The following SLC8A1 variants were observed in gnomAD, a reference collection of about 807,000 sequenced individuals.
SLC8A1 encodes the protein sodium/calcium exchanger 1.
Under a neutral mutation model 68.3 loss-of-function variants are expected in SLC8A1, and 18 were observed. The ratio of observed to expected loss-of-function variants is 0.26; its 90% CI spans 0.18 to 0.39. SLC8A1 has a LOEUF of 0.39. Ranked by LOEUF, SLC8A1 falls within the 10% of genes least tolerant of loss-of-function variation. SLC8A1 has a pLI of 1.00. For synonymous variants in SLC8A1, 475 were observed against 415.5 expected (o/e 1.14, Z -1.74); for missense variants, 985 against 1,156.7 (o/e 0.85, Z 2.15).
chr2:40,248,494 G>T (rs2062218028), intron 2 of SLC8A1, among the ~76,000 whole-genome samples: 1 of 152,162 alleles, frequency 6.6e-6, no homozygotes, highest in Admixed American at 6.5e-5. Context: ...TACTTCACCA[G>T]ACACTGACTC....
chr2:40,122,803 C>G (rs1009277057), intron 7 of SLC8A1, among the ~76,000 whole-genome samples: 1 of 152,084 alleles, frequency 6.6e-6, no homozygotes, highest in African/African-American at 2.4e-5. Flanking sequence ...TTAGAGTAAC[C>G]ATTTTTGTTA....
intron 1 of SLC8A1, among the ~76,000 whole-genome samples, chr2:40,503,596 A>C (rs1453916833): frequency 1.3e-5 from 2 of 152,062 alleles, no homozygotes; most frequent in African/African-American, 2.4e-5. Context: ...CTGATAAACA[A>C]ATTTAGTAAA....
At chr2:40,176,937 C>T (rs441593) in intron 3 of SLC8A1, among the ~76,000 whole-genome samples, 15,798 of 152,094 alleles carry the variant, frequency 0.1, 963 homozygotes, top group Admixed American at 0.19. Flanking sequence ...AATAAAAAAT[C>T]CTCTGTAAAG....
chr2:40,304,541 T>C (rs1226040240), intron 2 of SLC8A1, among the ~76,000 whole-genome samples: 2 of 152,142 alleles, frequency 1.3e-5, no homozygotes, highest in African/African-American at 4.8e-5. Context: ...CCCCGCAGTC[T>C]CAGAGCTTTG....
At chr2:40,507,594 A>C (rs1328654096) in intron 1 of SLC8A1, among the ~76,000 whole-genome samples, 1 of 152,020 alleles carries the variant, frequency 6.6e-6, no homozygotes, top group African/African-American at 2.4e-5. Context: ...AAGGCACGGA[A>C]ATGACTGTGG....
At chr2:40,323,220 A>C (rs1309975836) in intron 2 of SLC8A1, among the ~76,000 whole-genome samples, 1 of 152,188 alleles carries the variant, frequency 6.6e-6, no homozygotes, top group Non-Finnish European at 1.5e-5. Context: ...AATGGCTGTG[A>C]AGACTGACAT....
rs370223854 is a variant in SLC8A1 at position 40,462,001 on chromosome 2, C to CTTTTTTTTTTTTTTTTTTTTTT, written c.-24-31719_-24-31698dup. 1.9e-3 allele frequency among the ~76,000 whole-genome samples: 124 copies of CTTTTTTTTTTTTTTTTTTTTTT among 66,148 alleles called. 17 individuals are homozygous for CTTTTTTTTTTTTTTTTTTTTTT. Among genetic ancestry groups the CTTTTTTTTTTTTTTTTTTTTTT allele is most frequent in the Middle Eastern group, 0.012 (1 of 84 alleles). The allele number at this position is 66,148 out of a possible 152,430, so 43.4% of individuals were successfully genotyped here. A position where few individuals can be genotyped will look rare whatever the true frequency, so the allele number is the denominator to read the frequency against. On this transcript the variant is annotated intron_variant, in intron 1 of 7. Coordinates refer to the SLC8A1 transcript ENST00000402441. Reference sequence around the variant, plus strand: ...CCTCTCATTTTAAAGTAAAATCCTCCTTTTTTTTTTTTTTTTTTTTTTTGA... The same window carrying CTTTTTTTTTTTTTTTTTTTTTT: ...CCTCTCATTTTAAAGTAAAATCCTCCTTTTTTTTTTTTTTTTTTTTTTTTTTTTTTTTTTTTTTTTTTTTTGA...
intron 2 of SLC8A1, among the ~76,000 whole-genome samples, chr2:40,420,752 T>C (rs972156768): frequency 1.3e-5 from 2 of 152,140 alleles, no homozygotes; most frequent in East Asian, 1.9e-4. Context: ...AGCTTGAGCA[T>C]GTGTTGAGGT....
At chr2:40,221,178 C>T (rs892936437) in intron 2 of SLC8A1, among the ~76,000 whole-genome samples, 2 of 152,138 alleles carry the variant, frequency 1.3e-5, no homozygotes, top group East Asian at 3.9e-4. Context: ...AAAACCTTAT[C>T]CACCATGATC....
intron 1 of SLC8A1, among the ~76,000 whole-genome samples, chr2:40,438,312 G>A (rs1320369533): frequency 2.6e-5 from 4 of 151,984 alleles, no homozygotes; most frequent in African/African-American, 9.7e-5. Flanking sequence ...TTATATCTAG[G>A]TCACCAAAAA....
intron 1 of SLC8A1, among the ~76,000 whole-genome samples, chr2:40,445,517 A>G (rs893002157): frequency 1.3e-5 from 2 of 152,234 alleles, no homozygotes; most frequent in Non-Finnish European, 2.9e-5. Flanking sequence ...GGATTCTACT[A>G]TCTCCTATTT....
chr2:40,144,585 A>G (rs1470064660), intron 6 of SLC8A1, among the ~76,000 whole-genome samples: 1 of 151,532 alleles, frequency 6.6e-6, no homozygotes, highest in Non-Finnish European at 1.5e-5. Context: ...TTTTTTAGGA[A>G]TGTGAAAATA....
chr2:40,275,492 G>A (rs1360640212), intron 2 of SLC8A1, among the ~76,000 whole-genome samples: 1 of 152,212 alleles, frequency 6.6e-6, no homozygotes, highest in African/African-American at 2.4e-5. Context: ...AACATATTGT[G>A]TGGTCCTTAG....
Position 40,204,005 on chromosome 2 carries a change from C to T in SLC8A1, c.1809-26150G>A, listed in dbSNP as rs117429260. Among the ~76,000 whole-genome samples, 559 of 152,060 alleles carry T rather than the reference C, an allele frequency of 3.7e-3. 17 individuals are homozygous for T. The East Asian group carries it at 0.055, about 15-fold the overall frequency. Reference sequence around the variant, plus strand: ...TGCTGGGATTATAGGTGTGAGCCACCGTGCCCAGCTGGTGAAGGTTGAAAA... The same window carrying T: ...TGCTGGGATTATAGGTGTGAGCCACTGTGCCCAGCTGGTGAAGGTTGAAAA... On this transcript the variant is annotated intron_variant, in intron 2 of 7. Transcript: ENST00000406785.
At chr2:40,442,742 T>A (rs895279469) in intron 1 of SLC8A1, among the ~76,000 whole-genome samples, 1 of 152,108 alleles carries the variant, frequency 6.6e-6, no homozygotes, top group Admixed American at 6.6e-5. Flanking sequence ...GACCTAGCAA[T>A]CCCATTACTG....
chr2:40,368,116 T>C (rs1676849681), intron 2 of SLC8A1, among the ~76,000 whole-genome samples: 1 of 152,076 alleles, frequency 6.6e-6, no homozygotes, highest in Admixed American at 6.6e-5. Context: ...TTGTTGCTTC[T>C]TTTAATCATT....
intron 2 of SLC8A1, among the ~76,000 whole-genome samples, chr2:40,370,316 T>C (rs1019769131): frequency 1.3e-5 from 2 of 152,094 alleles, no homozygotes; most frequent in African/African-American, 4.8e-5. Context: ...ACCAGAACCC[T>C]AGGGAATCAA....
At chr2:40,282,920 T>C (rs1274196987) in intron 2 of SLC8A1, among the ~76,000 whole-genome samples, 1 of 152,198 alleles carries the variant, frequency 6.6e-6, no homozygotes, top group East Asian at 1.9e-4. Flanking sequence ...CATTTATTCG[T>C]CTGTATAGTG....
At chr2:40,147,922 T>G (rs2042747990) in intron 6 of SLC8A1, among the ~76,000 whole-genome samples, 1 of 152,192 alleles carries the variant, frequency 6.6e-6, no homozygotes, top group African/African-American at 2.4e-5. Context: ...GCAGTAGGTA[T>G]TATTTTCTCT....
Sources: gnomAD v4.1 joint callset for allele counts (sites outside exome capture counted in the v4.1 genomes callset) on GRCh38, gnomAD v4.1.1 for gene constraint, MANE v1.5 for transcripts, NCBI Gene and HGNC (gene_info 2026-07-23, HGNC 2026-07-21) for gene names.